NRG1: variants seen among roughly 807,000 people sequenced by gnomAD.
The protein encoded by NRG1 is pro-neuregulin-1, membrane-bound isoform.
Under a neutral mutation model 63.8 loss-of-function variants are expected in NRG1, and 18 were observed. That is an observed-to-expected ratio of 0.28 (90% CI 0.19 to 0.42). The LOEUF is 0.42. NRG1 is among the 10% of genes least tolerant of loss of function. The pLI is 1.00. For missense variants in NRG1, 762 were observed against 814.7 expected, an observed-to-expected ratio of 0.94 and a Z score of 0.79; for synonymous variants, 302 against 301.3, an observed-to-expected ratio of 1.00 and a Z score of -0.02.
chr8:31,907,668 TG>T (rs1158644269), intron 1 of NRG1, among the ~76,000 whole-genome samples: 2 of 152,210 alleles, frequency 1.3e-5, no homozygotes, highest in East Asian at 3.8e-4. Flanking sequence ...GCTTGTGTTT[TG>T]AGGAGTTAAA....
chr8:32,660,064 A>T (rs1802484416), intron 5 of NRG1, among the ~76,000 whole-genome samples: 1 of 152,200 alleles, frequency 6.6e-6, no homozygotes, highest in Non-Finnish European at 1.5e-5. Flanking sequence ...ACTCATTTTT[A>T]TGACCTGTAT....
chr8:31,674,078 G>A (rs1288591409), intron 1 of NRG1, among the ~76,000 whole-genome samples: 1 of 152,130 alleles, frequency 6.6e-6, no homozygotes, highest in African/African-American at 2.4e-5. Context: ...CTTTCAGTTA[G>A]TGTAAAGTTA....
chr8:31,814,953 G>A (rs992918143), intron 1 of NRG1, among the ~76,000 whole-genome samples: 1 of 151,872 alleles, frequency 6.6e-6, no homozygotes, highest in African/African-American at 2.4e-5. Context: ...CTTTTCTCCT[G>A]GATTCTTATT....
chr8:32,274,944 C>A lies in NRG1; in HGVS notation c.38-320884C>A, dbSNP rs534657350. On this transcript the variant is annotated intron_variant, in intron 1 of 10. Coordinates refer to the NRG1 transcript ENST00000519301. Reference sequence around the variant, plus strand: ...ATGTAAACTAAATGCATGGCTTGATCCTCCCATGTACCAGAAGGGGAGCAG... The same window carrying A: ...ATGTAAACTAAATGCATGGCTTGATACTCCCATGTACCAGAAGGGGAGCAG... Among the ~76,000 whole-genome samples, 10 of 152,242 alleles carry A rather than the reference C, an allele frequency of 6.6e-5. No individual in the cohort carries two copies. The East Asian group carries it at 1.9e-3, about 29-fold the overall frequency.
chr8:32,349,208 A>G (rs1250999742), intron 1 of NRG1, among the ~76,000 whole-genome samples: 1 of 152,152 alleles, frequency 6.6e-6, no homozygotes, highest in East Asian at 1.9e-4. Flanking sequence ...CAGAATCCCA[A>G]TGGTCTCCTT....
At chr8:32,284,265 C>T (rs779564643) in intron 1 of NRG1, among the ~76,000 whole-genome samples, 1 of 152,102 alleles carries the variant, frequency 6.6e-6, no homozygotes, top group Non-Finnish European at 1.5e-5. Context: ...CTTGACCTGC[C>T]TTGAGTAGAA....
chr8:32,090,090 T>C (rs1453024793), intron 1 of NRG1, among the ~76,000 whole-genome samples: 2 of 152,210 alleles, frequency 1.3e-5, no homozygotes, highest in East Asian at 1.9e-4. Flanking sequence ...GGTTCATACA[T>C]AGAGTCCACC....
chr8:31,964,829 C>T (rs1339377714), intron 1 of NRG1, among the ~76,000 whole-genome samples: 2 of 152,186 alleles, frequency 1.3e-5, no homozygotes, highest in Non-Finnish European at 2.9e-5. Context: ...AATTAAGTTA[C>T]TTGTCTAGAG....
intron 5 of NRG1, among the ~76,000 whole-genome samples, chr8:32,703,327 C>T (rs778772924): frequency 9.9e-5 from 15 of 151,808 alleles, no homozygotes; most frequent in Non-Finnish European, 1.5e-4. Context: ...TTATTAGTTC[C>T]GAAATATCAT....
intron 1 of NRG1, among the ~76,000 whole-genome samples, chr8:32,064,971 A>T (rs1824507817): frequency 6.6e-6 from 1 of 152,144 alleles, no homozygotes; most frequent in Non-Finnish European, 1.5e-5. Flanking sequence ...GATACAAGTA[A>T]ACTTGAAGAA....
At chr8:32,115,126 G>A (rs1316951264) in intron 1 of NRG1, among the ~76,000 whole-genome samples, 3 of 151,874 alleles carry the variant, frequency 2.0e-5, no homozygotes, top group Non-Finnish European at 4.4e-5. Context: ...TGCCTCCCGG[G>A]TTAAAGAGAT....
At chr8:32,226,239 C>G (rs1008545021) in intron 1 of NRG1, among the ~76,000 whole-genome samples, 2 of 152,128 alleles carry the variant, frequency 1.3e-5, no homozygotes, top group Non-Finnish European at 2.9e-5. Context: ...ATTTCCGGCT[C>G]TTGATATGAA....
chr8:31,961,440 C>G (rs1204413490), intron 1 of NRG1, among the ~76,000 whole-genome samples: 1 of 152,118 alleles, frequency 6.6e-6, no homozygotes, highest in Non-Finnish European at 1.5e-5. Context: ...TCTACTGAAA[C>G]TAATAAAAGA....
At chr8:31,894,704 C>T (rs1208171314) in intron 1 of NRG1, among the ~76,000 whole-genome samples, 3 of 151,974 alleles carry the variant, frequency 2.0e-5, no homozygotes, top group Non-Finnish European at 2.9e-5. Flanking sequence ...GTGCCCACCA[C>T]CACGCCCGGC....
chr8:32,530,106 CT>C (rs367967885), intron 1 of NRG1, among the ~76,000 whole-genome samples: 8 of 148,646 alleles, frequency 5.4e-5, no homozygotes, highest in South Asian at 2.1e-4. Flanking sequence ...CATTATAATC[CT>C]TTTTTTTTTC....
chr8:32,361,952 T>G (rs750472710), intron 1 of NRG1, among the ~76,000 whole-genome samples: 4 of 152,086 alleles, frequency 2.6e-5, no homozygotes, highest in Non-Finnish European at 4.4e-5. Flanking sequence ...CCAAGTAGGG[T>G]CCTGCTTCCT....
intron 1 of NRG1, among the ~76,000 whole-genome samples, chr8:31,691,946 C>T (rs1809573865): frequency 6.6e-6 from 1 of 152,090 alleles, no homozygotes; most frequent in Non-Finnish European, 1.5e-5. Context: ...AATCCTCCTG[C>T]CTCAGTCTCC....
intron 1 of NRG1, among the ~76,000 whole-genome samples, chr8:32,407,309 TA>T (rs1291195702): frequency 1.3e-3 from 4 of 2,988 alleles, no homozygotes; most frequent in African/African-American, 2.0e-3. Flanking sequence ...TATATATATA[TA>T]TATATATATT....
chr8:32,493,802 C>T (rs1447949179), intron 1 of NRG1, among the ~76,000 whole-genome samples: 1 of 152,072 alleles, frequency 6.6e-6, no homozygotes, highest in East Asian at 1.9e-4. Flanking sequence ...TAATGAGTTC[C>T]CCCTGTTGGA....
Sources: allele counts gnomAD v4.1 joint callset (sites outside exome capture counted in the v4.1 genomes callset), GRCh38; gene constraint gnomAD v4.1.1; transcripts MANE v1.5; gene names NCBI Gene and HGNC (gene_info 2026-07-23, HGNC 2026-07-21).